Variants in APOBEC3D observed in about 807,000 individuals in gnomAD.
APOBEC3D encodes DNA dC->dU-editing enzyme APOBEC-3D.
APOBEC3D carries 37 observed loss-of-function variants against 45.6 expected under a neutral mutation model. The observed-to-expected ratio is 0.81, with a 90% confidence interval of 0.62 to 1.07. The LOEUF (loss-of-function observed/expected upper bound fraction) is 1.07, where lower values mean the gene tolerates loss of function less well. Among genes scored for constraint, APOBEC3D ranks in the 50% least tolerant of loss-of-function variants. APOBEC3D has a pLI of 0.00. For missense variants in APOBEC3D, 496 were observed against 495.3 expected (o/e 1.00, Z -0.01); for synonymous variants, 175 against 180.7 (o/e 0.97, Z 0.25).
At chr22:39,024,205 C>T (rs1470774546) in intron 2 of APOBEC3D, among the ~76,000 whole-genome samples, 1 of 152,228 alleles carries the variant, frequency 6.6e-6, no homozygotes, top group African/African-American at 2.4e-5. Context: ...TCTTCTCACA[C>T]TGAAATGAGT....
chr22:39,025,175 T>C lies in APOBEC3D; in HGVS notation c.316T>C (p.Trp106Arg). The change falls in exon 3 of 7, where the codon TGG becomes CGG. Residue 106 changes from tryptophan (W) to arginine (R), a missense_variant. By Grantham distance (101) the Trp-to-Arg change is moderately radical (BLOSUM62 -3). Transcript: ENST00000216099. ...CTTCCAGATCACCTGGTTTGTATCA[T>C]GGAACCCCTGCCTGCCCTGTGTGGT... ...RRFQITWFVS[W>R]NPCLPCVVKV... 6.2e-7 allele frequency: 1 copy of C among 1,614,134 alleles called. No homozygotes were observed. Among genetic ancestry groups the C allele is most frequent in the South Asian group, 1.1e-5 (1 of 91,080 alleles).
intron 4 of APOBEC3D, among the ~76,000 whole-genome samples, chr22:39,027,593 A>C (rs1423960193): frequency 1.3e-5 from 2 of 152,284 alleles, no homozygotes; most frequent in South Asian, 2.1e-4. Flanking sequence ...CCAGGACTAA[A>C]ATCAGGGCCA....
Position 39,023,154 on chromosome 22 carries a change from C to G in APOBEC3D, c.210+140C>G, listed in dbSNP as rs5995658. The G allele has an allele frequency of 1.5e-5, 9 of 580,934 alleles. No homozygotes were observed. The East Asian group carries it at 2.8e-4, about 18-fold the overall frequency. 36.0% of individuals were successfully genotyped at this position (580,934 alleles called of 1,614,324 possible). A position where few individuals can be genotyped will look rare whatever the true frequency, so the allele number is the denominator to read the frequency against. On this transcript the variant is annotated intron_variant, in intron 2 of 6. Coordinates refer to ENST00000216099, the MANE Select transcript of APOBEC3D (RefSeq NM_152426.4). Reference sequence around the variant, plus strand: ...ATTTTGAGACAGAGTCTCCATCTGTCGCCCAGGCTGGAGTGCAGTGGTGCG... The same window carrying G: ...ATTTTGAGACAGAGTCTCCATCTGTGGCCCAGGCTGGAGTGCAGTGGTGCG...
chr22:39,027,597 A>G (rs1925801609), intron 4 of APOBEC3D, among the ~76,000 whole-genome samples: 1 of 152,080 alleles, frequency 6.6e-6, no homozygotes, highest in Admixed American at 6.5e-5. Flanking sequence ...GACTAAAATC[A>G]GGGCCAGGAC....
chr22:39,025,863 TGTGA>T (rs1925606984), intron 4 of APOBEC3D, among the ~76,000 whole-genome samples, 192 bp downstream of exon 4: 1 of 151,904 alleles, frequency 6.6e-6, no homozygotes, highest in South Asian at 2.1e-4. Flanking sequence ...GGGCTCTTCC[TGTGA>T]GTGAGAGGCC....
intron 2 of APOBEC3D, among the ~76,000 whole-genome samples, chr22:39,023,244 T>C (rs1302467192): frequency 6.6e-6 from 1 of 151,788 alleles, no homozygotes; most frequent in Non-Finnish European, 1.5e-5. Context: ...GCATCCTGAG[T>C]AGCTGGGACT....
chr22:39,026,342 A>G (rs1925663937), intron 4 of APOBEC3D, among the ~76,000 whole-genome samples: 1 of 152,112 alleles, frequency 6.6e-6, no homozygotes, highest in African/African-American at 2.4e-5. Flanking sequence ...CTCCTTGTTT[A>G]TGGACCCCAG....
In APOBEC3D at chr22:39,022,775, T is replaced by C. The variant is rs775593791; in HGVS notation, c.18-47T>C. 3.8e-6 allele frequency: 6 copies of C among 1,591,236 alleles called. No individual in the cohort carries two copies. The East Asian group carries it at 1.4e-4, about 37-fold the overall frequency. On this transcript the variant is annotated intron_variant, in intron 1 of 6. Coordinates refer to ENST00000216099, the MANE Select transcript of APOBEC3D (RefSeq NM_152426.4). ...TTCAGTGGACATGAGCCCCGAGGAC[T>C]CCAGGAGGGCTCCCTGCATGGGCCG...
Position 39,032,078 on chromosome 22 carries a change from G to C in APOBEC3D, c.1042+105G>C, listed in dbSNP as rs745765997. 87 of 1,586,394 alleles carry C rather than the reference G, an allele frequency of 5.5e-5. 2 individuals are homozygous for C. Among genetic ancestry groups the C allele is most frequent in the Non-Finnish European group, 6.9e-5 (80 of 1,164,852 alleles). ...GGGCAGTGTCCCCGGGAAGCCTGCA[G>C]GGATGGGGCCGGCGCCAGCTGCAAC... is the stretch of plus-strand genomic sequence containing the variant. On this transcript the variant is annotated intron_variant, in intron 6 of 6. Coordinates refer to ENST00000216099, the MANE Select transcript of APOBEC3D (RefSeq NM_152426.4).
chr22:39,022,116 G>A (rs751133079), intron 1 of APOBEC3D, among the ~76,000 whole-genome samples: 9 of 152,218 alleles, frequency 5.9e-5, no homozygotes, highest in Admixed American at 1.3e-4. Context: ...TGGAATGTGA[G>A]AAAGAACGCG....
chr22:39,024,440 A>G (rs1215066815), intron 2 of APOBEC3D, among the ~76,000 whole-genome samples: 1 of 152,232 alleles, frequency 6.6e-6, no homozygotes, highest in Non-Finnish European at 1.5e-5. Context: ...GGCCATGAAC[A>G]GGGCTGGGAA....
intron 5 of APOBEC3D, among the ~76,000 whole-genome samples, chr22:39,030,259 A>C: frequency 1.4e-5 from 2 of 141,800 alleles, no homozygotes; most frequent in South Asian, 2.3e-4. Flanking sequence ...GCAGCCACTG[A>C]CCTCCCACCC....
chr22:39,030,836 GAA>G (rs1454108853), intron 5 of APOBEC3D, among the ~76,000 whole-genome samples: 1 of 152,196 alleles, frequency 6.6e-6, no homozygotes, highest in African/African-American at 2.4e-5. Context: ...GATGAGACAG[GAA>G]AAGACTCAAT....
At chr22:39,025,424 G>C (rs1486661196) in intron 3 of APOBEC3D, 75 bp downstream of exon 3, 1 of 1,613,028 alleles carries the variant, frequency 6.2e-7, no homozygotes, top group Admixed American at 1.7e-5. Flanking sequence ...CAATGCCATG[G>C]CTGGGGGTGT....
Position 39,025,649 on chromosome 22 carries a change from C to T in APOBEC3D, c.583C>T (p.Arg195Cys), listed in dbSNP as rs746506547. The change falls in exon 4 of 7, where the codon CGC becomes TGC. Residue 195 changes from arginine to cysteine, a missense_variant. By Grantham distance (180) the Arg-to-Cys change is radical (BLOSUM62 -3). Transcript: ENST00000216099. ...CGATGACAATTATGCATCCCTGCAC[C>T]GCACGCTAAAGGAGATTCTCAGGTG... ...KFDDNYASLHRTLKEILRNPM... is the reference protein window; with the variant it reads ...KFDDNYASLHCTLKEILRNPM... 51 of 1,613,994 alleles carry T rather than the reference C, an allele frequency of 3.2e-5. No homozygotes were observed. Among genetic ancestry groups the T allele is most frequent in the Admixed American group, 1.2e-4 (7 of 59,982 alleles).
chr22:39,031,770 C>G lies in APOBEC3D; in HGVS notation c.839C>G (p.Thr280Arg), dbSNP rs1926237106. The change falls in exon 6 of 7, where the codon ACA becomes AGA. Residue 280 changes from threonine (T) to arginine (R), a missense_variant. Physicochemically the swap from Thr to Arg is moderately conservative, Grantham distance 71. Coordinates refer to ENST00000216099, the MANE Select transcript of APOBEC3D (RefSeq NM_152426.4). Reference sequence around the variant, plus strand: ...TGTGACGACATACTGTCTCCTAACACAAACTACGAGGTCACCTGGTACACA... The same window carrying G: ...TGTGACGACATACTGTCTCCTAACAGAAACTACGAGGTCACCTGGTACACA... The part of the protein sequence containing the change: ...WFCDDILSPN[T>R]NYEVTWYTSW... The G allele has an allele frequency of 6.2e-7, 1 of 1,613,814 alleles. No homozygotes were observed.
Position 39,025,576 on chromosome 22 carries a change from A to C in APOBEC3D, c.510A>C (p.Glu170Asp). 6.2e-7 allele frequency: 1 copy of C among 1,614,118 alleles called. No homozygotes were observed. Among genetic ancestry groups the C allele is most frequent in the Non-Finnish European group, 8.5e-7 (1 of 1,180,008 alleles). The stretch of plus-strand genomic sequence containing the variant: ...TCTCAGACTTTGCATACTGCTGGGA[A>C]AACTTTGTGTGCAATGAAGGTCAGC... ...MDYEDFAYCW[E>D]NFVCNEGQPF... Residue 170 changes from glutamate to aspartate, a missense_variant, in exon 4 of 7, where the codon GAA becomes GAC. Transcript: ENST00000216099.
intron 5 of APOBEC3D, 122 bp downstream of exon 5, chr22:39,029,641 CTTTT>C: frequency 9.5e-6 from 9 of 950,560 alleles, no homozygotes; most frequent in Non-Finnish European, 1.3e-5. Flanking sequence ...ACATTTCTTT[CTTTT>C]TTTTTTTTTT....
intron 4 of APOBEC3D, among the ~76,000 whole-genome samples, chr22:39,028,525 C>G (rs180972750): frequency 6.6e-6 from 1 of 152,220 alleles, no homozygotes; most frequent in Non-Finnish European, 1.5e-5. Flanking sequence ...CTGGACCGGC[C>G]GGGCTCAGTG....
Sources: gnomAD v4.1 joint callset for allele counts (sites outside exome capture counted in the v4.1 genomes callset) on GRCh38, gnomAD v4.1.1 for gene constraint, MANE v1.5 for transcripts, NCBI Gene and HGNC (gene_info 2026-07-23, HGNC 2026-07-21) for gene names.